The following TNS1 variants were observed in gnomAD, a reference collection of about 807,000 sequenced individuals.
TNS1 encodes tensin-1.
In TNS1, 62 loss-of-function variants were observed where a neutral mutation model predicts 168.6. The observed-to-expected ratio is 0.37, with a 90% CI of 0.30 to 0.45. TNS1 has a LOEUF of 0.45. Among genes scored for constraint, TNS1 ranks in the 20% least tolerant of loss-of-function variants. The pLI, the probability that TNS1 is intolerant of heterozygous loss-of-function variation, is 1.00. For missense variants in TNS1, 2,240 were observed against 2,339.4 expected, an observed-to-expected ratio of 0.96 and a Z score of 0.88; for synonymous variants, 934 against 933.2, an observed-to-expected ratio of 1.00 and a Z score of -0.02.
chr2:217,993,834 T>A (rs1958420483), intron 1 of TNS1, among the ~76,000 whole-genome samples: 1 of 152,170 alleles, frequency 6.6e-6, no homozygotes, highest in East Asian at 1.9e-4. Flanking sequence ...AGGAAAGTAT[T>A]TAACGGTGGT....
chr2:217,971,719 C>T (rs1000303198), intron 3 of TNS1, among the ~76,000 whole-genome samples: 1 of 152,180 alleles, frequency 6.6e-6, no homozygotes, highest in Non-Finnish European at 1.5e-5. Context: ...TCCCAATGCC[C>T]AGGTCAGGTC....
At chr2:218,014,917 A>C (rs146106103), upstream of TNS1, among the ~76,000 whole-genome samples, 417 of 76,596 alleles carry the variant, frequency 5.4e-3, 4 homozygotes, top group African/African-American at 0.017. Flanking sequence ...GGAAGGAAGG[A>C]AGGAAGGCAG....
At chr2:217,819,932 G>C (rs1275082470) in intron 23 of TNS1, among the ~76,000 whole-genome samples, 1 of 152,178 alleles carries the variant, frequency 6.6e-6, no homozygotes, top group African/African-American at 2.4e-5. Context: ...GGCCAGGCTG[G>C]ATAAGCTCAG....
At chr2:217,849,839 G>A in intron 18 of TNS1, 1 of 985,436 alleles carries the variant, frequency 1.0e-6, no homozygotes, top group Non-Finnish European at 1.2e-6. Flanking sequence ...GGGCAGTAGG[G>A]TGCAGCAAAG....
chr2:217,842,002 A>T, intron 19 of TNS1: 2 of 696,502 alleles, frequency 2.9e-6, no homozygotes, highest in Non-Finnish European at 5.2e-6. Flanking sequence ...GGGCCACAGG[A>T]GTGGCCAACA....
At chr2:217,918,957 G>C (rs1955428339) in intron 4 of TNS1, among the ~76,000 whole-genome samples, 1 of 150,712 alleles carries the variant, frequency 6.6e-6, no homozygotes, top group African/African-American at 2.5e-5. Context: ...GCCCTAGTGA[G>C]ACCAGGGAAG....
chr2:217,906,127 T>C lies in TNS1; in HGVS notation c.321+208A>G, dbSNP rs940088557. On this transcript the variant is annotated intron_variant, in intron 6 of 32. Transcript: ENST00000682258. The stretch of plus-strand genomic sequence containing the variant: ...GAGGCCTGGCGCAGTCGCTGATGAA[T>C]GAGCTCTGGATCTCGCTTAGATGGA... Among the ~76,000 whole-genome samples the C allele has an allele frequency of 8.5e-5, 13 of 152,202 alleles. No individual in the cohort carries two copies. In the Middle Eastern group the frequency reaches 9.5e-3, roughly 111 times the overall value.
At chr2:217,964,037 C>T (rs138034762) in intron 3 of TNS1, among the ~76,000 whole-genome samples, 151 of 152,252 alleles carry the variant, frequency 9.9e-4, no homozygotes, top group African/African-American at 2.1e-3. Flanking sequence ...TGAGAGCTCA[C>T]CTCCTCACAA....
rs1265405131 is a variant in TNS1 at position 218,032,219 on chromosome 2, C to T, written c.156+1601G>A. 6.6e-6 allele frequency among the ~76,000 whole-genome samples: 1 copy of T among 152,178 alleles called. No homozygotes were observed. The highest frequency in any genetic ancestry group is 1.5e-5 in the Non-Finnish European group (1 of 68,026). Reference sequence around the variant, plus strand: ...AGAGCTGGACTTGGAGGCTTAAGAGCCAAGGCATGCACCCTCTCAAAGCCA... The same window carrying T: ...AGAGCTGGACTTGGAGGCTTAAGAGTCAAGGCATGCACCCTCTCAAAGCCA... On this transcript the variant is annotated intron_variant, in intron 1 of 1. Transcript: ENST00000649572. This position sits in a 1 kb window ranked among gnomAD's most constrained non-coding sequence, Gnocchi z 4.0.
chr2:217,980,530 G>C (rs1958021514), intron 2 of TNS1, among the ~76,000 whole-genome samples: 1 of 150,560 alleles, frequency 6.6e-6, no homozygotes, highest in East Asian at 1.9e-4. Flanking sequence ...GAGAGAGAGA[G>C]AGAGAGAGAG....
At chr2:217,908,979 C>T (rs1954022755) in intron 4 of TNS1, among the ~76,000 whole-genome samples, 1 of 152,096 alleles carries the variant, frequency 6.6e-6, no homozygotes, top group African/African-American at 2.4e-5. Flanking sequence ...CCACTAATCC[C>T]CTAACCCACT....
At chr2:217,824,801 A>G (rs1234960764) in intron 22 of TNS1, among the ~76,000 whole-genome samples, 1 of 151,922 alleles carries the variant, frequency 6.6e-6, no homozygotes, top group East Asian at 1.9e-4. Flanking sequence ...GGCACTCATC[A>G]TGGCTACACC....
At chr2:217,970,865 C>T (rs903742365) in intron 3 of TNS1, among the ~76,000 whole-genome samples, 5 of 151,522 alleles carry the variant, frequency 3.3e-5, no homozygotes, top group Non-Finnish European at 7.4e-5. Flanking sequence ...TTTAAATGGG[C>T]GTATTGTGTG....
chr2:217,948,221 C>T lies in TNS1; in HGVS notation c.187-27985G>A, dbSNP rs963446095. On this transcript the variant is annotated intron_variant, in intron 3 of 32. Transcript: ENST00000682258. The surrounding 1 kb of genome is among the most constrained non-coding windows in gnomAD (Gnocchi z 4.1). ...GACAAGATTCCCAGCAGGGAGGGGT[C>T]GGTTCCCCAACTCTTCCTGTGATGG... is the stretch of plus-strand genomic sequence containing the variant. Among the ~76,000 whole-genome samples, 4 of 152,180 alleles carry T rather than the reference C, an allele frequency of 2.6e-5. No individual in the cohort carries two copies. Among genetic ancestry groups the T allele is most frequent in the Admixed American group, 6.5e-5 (1 of 15,274 alleles).
chr2:217,846,452 C>CT (rs1946657347), intron 19 of TNS1, among the ~76,000 whole-genome samples: 1 of 152,122 alleles, frequency 6.6e-6, no homozygotes, highest in South Asian at 2.1e-4. Flanking sequence ...TCAGCTTCCC[C>CT]TAAATTTAGG....
At position 217,813,905 on chromosome 2, in the gene TNS1, G is replaced by C. The variant is rs927993699; in HGVS notation, c.4730-89C>G. 2.1e-6 allele frequency: 3 copies of C among 1,414,042 alleles called. No homozygotes were observed. The highest frequency in any genetic ancestry group is 3.2e-5 in the South Asian group (2 of 61,758). 87.6% of individuals were successfully genotyped at this position (1,414,042 alleles called of 1,614,324 possible). A position where few individuals can be genotyped will look rare whatever the true frequency, so the allele number is the denominator to read the frequency against. ...AGTCTCATTGAGCCTACCGACCTTC[G>C]TTCTTTCTTAGGTGAGACAAATTTT... is the stretch of plus-strand genomic sequence containing the variant. On this transcript the variant is annotated intron_variant, in intron 25 of 32. Coordinates refer to ENST00000682258, the MANE Select transcript of TNS1 (RefSeq NM_001387777.1). The surrounding 1 kb of genome is among the most constrained non-coding windows in gnomAD (Gnocchi z 4.0).
At chr2:217,979,001 G>T in intron 2 of TNS1, 199 bp from the exon 3 acceptor site, 1 of 543,424 alleles carries the variant, frequency 1.8e-6, no homozygotes. Context: ...GAGTGCCCGG[G>T]ACTGAGGACC....
In TNS1 at chr2:217,847,818, G is replaced by T; in HGVS notation, c.2699C>A (p.Thr900Asn). ...AGAGGCCCGTGGGGCTGGCTCAGGGGTTCCCAACGAATGCCCACTGGGGAT... is the reference window on the plus strand; with the variant it reads ...AGAGGCCCGTGGGGCTGGCTCAGGGTTTCCCAACGAATGCCCACTGGGGAT... Reference protein sequence around the residue: ...GYIPSGHSLGTPEPAPRASLE... With the variant: ...GYIPSGHSLGNPEPAPRASLE... Residue 900 changes from threonine (T) to asparagine (N), a missense_variant, in exon 19 of 33, where the codon ACC (threonine) becomes AAC (asparagine). Transcript: ENST00000682258. 6.3e-7 allele frequency: 1 copy of T among 1,597,794 alleles called. No individual in the cohort carries two copies. The highest frequency in any genetic ancestry group is 8.6e-7 in the Non-Finnish European group (1 of 1,166,542).
intron 16 of TNS1, among the ~76,000 whole-genome samples, chr2:217,882,957 G>A (rs954941365): frequency 1.3e-4 from 20 of 152,026 alleles, no homozygotes; most frequent in African/African-American, 2.9e-4. Flanking sequence ...CACCACGCCC[G>A]GCTCATTTTT....
Sources: allele counts gnomAD v4.1 joint callset (sites outside exome capture counted in the v4.1 genomes callset), GRCh38; gene constraint gnomAD v4.1.1; non-coding constraint Gnocchi (gnomAD v3.1); transcripts MANE v1.5; gene names NCBI Gene and HGNC (gene_info 2026-07-23, HGNC 2026-07-21).